The following LDLRAD4 variants were observed in gnomAD, a reference collection of about 807,000 sequenced individuals.
The protein encoded by LDLRAD4 is low-density lipoprotein receptor class A domain-containing protein 4.
LDLRAD4 carries 5 observed loss-of-function variants against 17.0 expected under a neutral mutation model. The ratio of observed to expected loss-of-function variants is 0.29; its 90% confidence interval spans 0.15 to 0.62. LDLRAD4 has a LOEUF of 0.62. LDLRAD4 is among the 20% of genes least tolerant of loss of function. The pLI is 0.84. For synonymous variants in LDLRAD4, 168 were observed against 171.8 expected, an observed-to-expected ratio of 0.98 and a Z score of 0.17; for missense variants, 340 against 424.7, an observed-to-expected ratio of 0.80 and a Z score of 1.75.
rs115575563 is a variant in LDLRAD4, at chr18:13,580,703, C to T, written c.182-40414C>T. Among the ~76,000 whole-genome samples the T allele has an allele frequency of 5.6e-3, 857 of 152,182 alleles. 8 individuals carry two copies. Among genetic ancestry groups the T allele is most frequent in the African/African-American group, 0.02 (815 of 41,504 alleles). ...CACTTCCTTTCCCAGGTGACTTGGC[C>T]GTGCCCTTGTCCAGAGGCAGGGCTC... On this transcript the variant is annotated intron_variant, in intron 3 of 5. Coordinates refer to ENST00000359446, the Ensembl canonical transcript of LDLRAD4.
At position 13,641,461 on chromosome 18, in the gene LDLRAD4, T is replaced by G. The variant is rs1267805525; in HGVS notation, c.337-1898T>G. ...TAGAGAGAAACAGATTAGACAGAGA[T>G]AGATGGATCCATCGATTGATTAGAT... is the stretch of plus-strand genomic sequence containing the variant. On this transcript the variant is annotated intron_variant, in intron 4 of 5. Coordinates refer to ENST00000359446, the Ensembl canonical transcript of LDLRAD4. 2.6e-5 allele frequency among the ~76,000 whole-genome samples: 4 copies of G among 152,214 alleles called. No individual in the cohort carries two copies. In the South Asian group the frequency reaches 6.2e-4, roughly 24 times the overall value.
chr18:13,595,155 AT>A (rs540460544), intron 3 of LDLRAD4, among the ~76,000 whole-genome samples: 2 of 150,342 alleles, frequency 1.3e-5, no homozygotes, highest in Non-Finnish European at 3.0e-5. Flanking sequence ...AGATTTCTTA[AT>A]TTTTTCTGTC....
chr18:13,248,116 A>G (rs1454546494), intron 1 of LDLRAD4, among the ~76,000 whole-genome samples: 1 of 151,810 alleles, frequency 6.6e-6, no homozygotes, highest in Non-Finnish European at 1.5e-5. Context: ...GTGTGCCACC[A>G]TGCCTGGCTA....
intron 1 of LDLRAD4, among the ~76,000 whole-genome samples, chr18:13,370,598 G>A (rs1489303984): frequency 6.6e-6 from 1 of 152,170 alleles, no homozygotes; most frequent in Non-Finnish European, 1.5e-5. Context: ...TTGCTGTGCG[G>A]AAGTGGCCCA....
chr18:13,243,627 C>T (rs72869817), intron 1 of LDLRAD4, among the ~76,000 whole-genome samples: 38,392 of 149,390 alleles, frequency 0.26, 6,167 homozygotes, highest in Non-Finnish European at 0.36. Flanking sequence ...CAGCCACCCA[C>T]GCACCCGCAC....
intron 5 of LDLRAD4, 52 bp downstream of exon 6, chr18:13,643,464 G>GGGGGGGGGGGGGGGGGGGGGGGGCCC: frequency 3.5e-6 from 1 of 288,966 alleles, no homozygotes; most frequent in East Asian, 5.7e-5. Context: ...GGTGGGTGGG[G>GGGGGGGGGGGGGGGGGGGGGGGGCCC]ATGAAGGGGG....
chr18:13,255,630 T>C (rs10445430), intron 1 of LDLRAD4, among the ~76,000 whole-genome samples: 57,764 of 151,944 alleles, frequency 0.38, 12,828 homozygotes, highest in East Asian at 0.53. Flanking sequence ...TGGGTGTAGG[T>C]TTCCAGAGGG....
intron 1 of LDLRAD4, among the ~76,000 whole-genome samples, chr18:13,265,695 T>G (rs148464971): frequency 1.3e-5 from 2 of 152,242 alleles, no homozygotes; most frequent in East Asian, 3.9e-4. Flanking sequence ...GACTTGTCAC[T>G]CAGTCACACC....
At position 13,300,472 on chromosome 18, in the gene LDLRAD4, C is replaced by T. The variant is rs988790573; in HGVS notation, c.-383+22284C>T. On this transcript the variant is annotated intron_variant, in intron 1 of 5. Transcript: ENST00000359446. This position sits in a 1 kb window ranked among gnomAD's most constrained non-coding sequence, Gnocchi z 4.2. ...CCATGACTGCTGCCCCAAGGGAGGC[C>T]TGCAATAAGGCACCCGGTGCCAGCA... Among the ~76,000 whole-genome samples, 1 of 152,220 alleles carries T rather than the reference C, an allele frequency of 6.6e-6. No individual in the cohort carries two copies. Among genetic ancestry groups the T allele is most frequent in the South Asian group, 2.1e-4 (1 of 4,832 alleles).
At chr18:13,229,281 C>T (rs972414303) in intron 1 of LDLRAD4, among the ~76,000 whole-genome samples, 3 of 152,188 alleles carry the variant, frequency 2.0e-5, no homozygotes, top group Admixed American at 6.5e-5. Context: ...CCTGTGCTGC[C>T]GGGCCCCTTG....
chr18:13,628,656 C>T (rs1336217201), intron 4 of LDLRAD4, among the ~76,000 whole-genome samples: 1 of 152,192 alleles, frequency 6.6e-6, no homozygotes, highest in East Asian at 1.9e-4. Context: ...GGAGGCCAAG[C>T]GGCCCGGCAG....
At position 13,568,964 on chromosome 18, in the gene LDLRAD4, C is replaced by T. The variant is rs76905490; in HGVS notation, c.182-52153C>T. Reference sequence around the variant, plus strand: ...TTGGTCATGAAGGATGTTGGCTCCTCTCACCTGCACCCTCTACCCAATGTG... The same window carrying T: ...TTGGTCATGAAGGATGTTGGCTCCTTTCACCTGCACCCTCTACCCAATGTG... On this transcript the variant is annotated intron_variant, in intron 3 of 5. Transcript: ENST00000359446. Among the ~76,000 whole-genome samples, 111 of 152,284 alleles carry T rather than the reference C, an allele frequency of 7.3e-4. 1 individual carries two copies. Among genetic ancestry groups the T allele is most frequent in the African/African-American group, 2.5e-3 (104 of 41,548 alleles).
intron 2 of LDLRAD4, among the ~76,000 whole-genome samples, chr18:13,422,407 AC>A (rs2089555644): frequency 6.6e-6 from 1 of 152,192 alleles, no homozygotes; most frequent in Non-Finnish European, 1.5e-5. Context: ...CTTGTTAAAA[AC>A]CAGTAAGGCC....
chr18:13,590,121 G>A (rs550394484), intron 3 of LDLRAD4, among the ~76,000 whole-genome samples: 3 of 151,748 alleles, frequency 2.0e-5, no homozygotes, highest in South Asian at 2.1e-4. Context: ...CTGCATGTGC[G>A]TGGGTGTGCA....
intron 1 of LDLRAD4, among the ~76,000 whole-genome samples, chr18:13,325,877 C>G (rs907201295): frequency 6.6e-6 from 1 of 152,088 alleles, no homozygotes; most frequent in African/African-American, 2.4e-5. Flanking sequence ...CTCAGCCTCC[C>G]GAGTAGCCGG....
At chr18:13,589,986 C>T (rs960423303) in intron 3 of LDLRAD4, among the ~76,000 whole-genome samples, 12 of 151,038 alleles carry the variant, frequency 7.9e-5, no homozygotes, top group South Asian at 4.2e-4. Flanking sequence ...TGTGTGGCTG[C>T]GTGTGTGGGG....
At chr18:13,281,101 G>A (rs1288820690) in intron 1 of LDLRAD4, among the ~76,000 whole-genome samples, 8 of 152,148 alleles carry the variant, frequency 5.3e-5, no homozygotes, top group African/African-American at 1.7e-4. Flanking sequence ...AGATTAACTC[G>A]TGAAAATGTT....
intron 3 of LDLRAD4, among the ~76,000 whole-genome samples, chr18:13,493,249 T>G (rs2093395665): frequency 6.6e-6 from 1 of 152,174 alleles, no homozygotes; most frequent in Non-Finnish European, 1.5e-5. Context: ...ACTGGGAAAG[T>G]GTATGTCCTC....
chr18:13,492,996 G>A (rs951182140), intron 3 of LDLRAD4, among the ~76,000 whole-genome samples: 1 of 152,158 alleles, frequency 6.6e-6, no homozygotes, highest in African/African-American at 2.4e-5. Context: ...GTGTGTGCCT[G>A]TAATCCCAGC....
Sources: gnomAD v4.1 joint callset for allele counts (sites outside exome capture counted in the v4.1 genomes callset) on GRCh38, gnomAD v4.1.1 for gene constraint, Gnocchi (gnomAD v3.1) non-coding constraint, MANE v1.5 for transcripts, NCBI Gene and HGNC (gene_info 2026-07-23, HGNC 2026-07-21) for gene names.